The following SIK3 variants were observed in gnomAD, a reference collection of about 807,000 sequenced individuals.
SIK3 encodes the protein SIK family kinase 3.
Under a neutral mutation model 144.2 loss-of-function variants are expected in SIK3, and 28 were observed. The ratio of observed to expected loss-of-function variants is 0.19; its 90% confidence interval spans 0.14 to 0.27. The LOEUF (loss-of-function observed/expected upper bound fraction) is 0.27, where lower values mean the gene tolerates loss of function less well. SIK3 is among the 10% of genes least tolerant of loss of function. The pLI is 1.00. For synonymous variants in SIK3, 686 were observed against 676.3 expected (o/e 1.01, Z -0.22); for missense variants, 1,319 against 1,776.0 (o/e 0.74, Z 4.62).
chr11:116,927,817 G>A (rs770016041), intron 3 of SIK3, among the ~76,000 whole-genome samples: 5 of 152,288 alleles, frequency 3.3e-5, no homozygotes, highest in African/African-American at 7.2e-5. Context: ...AGGAAAGGGT[G>A]GACAGAAATT....
At chr11:116,945,380 CTTTTTTT>C (rs35915801) in intron 3 of SIK3, among the ~76,000 whole-genome samples, 6 of 95,408 alleles carry the variant, frequency 6.3e-5, no homozygotes, top group African/African-American at 1.3e-4. Context: ...TTCATGAATT[CTTTTTTT>C]TTTTTTTTTT....
chr11:116,991,119 A>G (rs2135557434), intron 1 of SIK3, among the ~76,000 whole-genome samples: 1 of 152,310 alleles, frequency 6.6e-6, no homozygotes, highest in East Asian at 1.9e-4. Flanking sequence ...GAGACTAAGG[A>G]TTTAATATCA....
At chr11:117,088,745 T>C (rs1955121985) in intron 1 of SIK3, among the ~76,000 whole-genome samples, 1 of 152,074 alleles carries the variant, frequency 6.6e-6, no homozygotes, top group Non-Finnish European at 1.5e-5. Flanking sequence ...GGTGCGATCA[T>C]AGCTCACAGA....
At chr11:117,028,249 C>T (rs1190881924) in intron 1 of SIK3, among the ~76,000 whole-genome samples, 2 of 152,100 alleles carry the variant, frequency 1.3e-5, no homozygotes, top group African/African-American at 4.8e-5. Context: ...AAAGTTAAAC[C>T]CTTTTTTCAT....
intron 3 of SIK3, among the ~76,000 whole-genome samples, chr11:116,945,130 T>C (rs988002470): frequency 6.6e-6 from 1 of 152,036 alleles, no homozygotes; most frequent in African/African-American, 2.4e-5. Context: ...TGGCTCATTT[T>C]TTGTATTTTT....
Position 117,008,961 on chromosome 11 carries a change from G to A in SIK3, c.274-51897C>T, listed in dbSNP as rs182012740. Among the ~76,000 whole-genome samples the A allele has an allele frequency of 4.9e-3, 748 of 152,216 alleles. 7 individuals are homozygous for A. The highest frequency in any genetic ancestry group is 0.017 in the African/African-American group (706 of 41,546). Reference sequence around the variant, plus strand: ...TTAAGAAACTATGATGTAGCCAGGTGCGGTGGCTCACACCTCTAATTCCAG... The same window carrying A: ...TTAAGAAACTATGATGTAGCCAGGTACGGTGGCTCACACCTCTAATTCCAG... On this transcript the variant is annotated intron_variant, in intron 1 of 24. Coordinates refer to ENST00000445177, the MANE Select transcript of SIK3 (RefSeq NM_001366686.3).
intron 1 of SIK3, among the ~76,000 whole-genome samples, chr11:117,021,951 A>C (rs1381913843): frequency 1.5e-5 from 2 of 133,296 alleles, no homozygotes; most frequent in African/African-American, 6.8e-5. Context: ...AAAAAAAAAA[A>C]AAAAAAAAAA....
intron 4 of SIK3, among the ~76,000 whole-genome samples, chr11:116,914,281 T>C (rs995265234): frequency 6.7e-6 from 1 of 149,896 alleles, no homozygotes; most frequent in Non-Finnish European, 1.5e-5. Flanking sequence ...CCATTTTGGG[T>C]CACTGCAGCC....
At chr11:117,041,214 C>A (rs1044234369) in intron 1 of SIK3, among the ~76,000 whole-genome samples, 15 of 152,068 alleles carry the variant, frequency 9.9e-5, no homozygotes, top group African/African-American at 2.6e-4. Context: ...GCAGGAAGTA[C>A]TGTAAGAGAT....
chr11:116,900,862 TTTA>T (rs1214816137), intron 4 of SIK3, among the ~76,000 whole-genome samples: 2 of 146,668 alleles, frequency 1.4e-5, no homozygotes, highest in African/African-American at 5.4e-5. Context: ...ATATATATTA[TTTA>T]TTTTTTTTTT....
intron 1 of SIK3, among the ~76,000 whole-genome samples, chr11:117,082,084 G>A (rs1351827883): frequency 2.0e-5 from 3 of 152,136 alleles, no homozygotes; most frequent in Non-Finnish European, 4.4e-5. Flanking sequence ...AAACCACAAT[G>A]CAATACTTCT....
intron 6 of SIK3, among the ~76,000 whole-genome samples, chr11:116,888,924 C>A (rs983280234): frequency 6.6e-6 from 1 of 152,090 alleles, no homozygotes; most frequent in South Asian, 2.1e-4. Flanking sequence ...TTTCTAGGAC[C>A]CCCTATCTGA....
At chr11:116,872,250 G>A (rs1313328149) in intron 13 of SIK3, among the ~76,000 whole-genome samples, 3 of 152,198 alleles carry the variant, frequency 2.0e-5, no homozygotes, top group Admixed American at 1.3e-4. Context: ...AATGTCCACT[G>A]AATTTATCAA....
chr11:116,865,028 G>C (rs1447443275), intron 15 of SIK3: 1 of 152,118 alleles, frequency 6.6e-6, no homozygotes, highest in Admixed American at 6.6e-5. Context: ...AAATGAGCAC[G>C]AACATGTATT....
chr11:116,971,859 C>T (rs12575091), intron 1 of SIK3, among the ~76,000 whole-genome samples: 4 of 151,602 alleles, frequency 2.6e-5, no homozygotes, highest in South Asian at 2.1e-4. Flanking sequence ...GAGGCCGAGG[C>T]GGGTGGATCA....
chr11:116,973,062 TC>T (rs1949819864), intron 1 of SIK3, among the ~76,000 whole-genome samples: 1 of 152,092 alleles, frequency 6.6e-6, no homozygotes, highest in African/African-American at 2.4e-5. Flanking sequence ...CTGAACGATC[TC>T]GTAAGTAACT....
chr11:116,995,070 C>T (rs1239306153), intron 1 of SIK3, among the ~76,000 whole-genome samples: 2 of 151,846 alleles, frequency 1.3e-5, no homozygotes, highest in Non-Finnish European at 2.9e-5. Flanking sequence ...GAGTTTGAGA[C>T]CAGCCTGGGC....
intron 1 of SIK3, among the ~76,000 whole-genome samples, chr11:117,020,479 G>A (rs1182290405): frequency 6.6e-6 from 1 of 152,016 alleles, no homozygotes; most frequent in Non-Finnish European, 1.5e-5. Context: ...ATAACCACAG[G>A]ACTGGTGGCC....
chr11:117,072,955 G>C (rs1269451101), intron 1 of SIK3, among the ~76,000 whole-genome samples: 3 of 152,166 alleles, frequency 2.0e-5, no homozygotes, highest in Admixed American at 1.3e-4. Flanking sequence ...CTAAGTCAAG[G>C]AGATTCTTAC....
Sources: allele counts gnomAD v4.1 joint callset (sites outside exome capture counted in the v4.1 genomes callset), GRCh38; gene constraint gnomAD v4.1.1; transcripts MANE v1.5; gene names NCBI Gene and HGNC (gene_info 2026-07-23, HGNC 2026-07-21).